USH2A: variants seen among roughly 807,000 people sequenced by gnomAD.
The protein encoded by USH2A is Usher syndrome 2A (autosomal recessive, mild).
In USH2A, 443 loss-of-function variants were observed where a neutral mutation model predicts 538.9. That is an observed-to-expected ratio of 0.82 (90% CI 0.76 to 0.89). The LOEUF is 0.89. Ranked by LOEUF, USH2A falls within the 40% of genes least tolerant of loss-of-function variation. The pLI is 0.00. For synonymous variants in USH2A, 2,413 were observed against 2,273.5 expected (o/e 1.06, Z -1.75); for missense variants, 6,633 against 6,324.8 (o/e 1.05, Z -1.65).
intron 38 of USH2A, among the ~76,000 whole-genome samples, chr1:215,904,412 G>A (rs1384446307): frequency 6.6e-6 from 1 of 152,034 alleles, no homozygotes; most frequent in Non-Finnish European, 1.5e-5. Flanking sequence ...TTTCCAAACA[G>A]AATGGTCATC....
intron 4 of USH2A, among the ~76,000 whole-genome samples, chr1:216,340,158 A>G (rs754304158): frequency 2.0e-5 from 3 of 152,096 alleles, no homozygotes; most frequent in Non-Finnish European, 4.4e-5. Flanking sequence ...GACAAAGGGG[A>G]TAACACCACT....
chr1:215,808,200 T>C (rs12133551), intron 49 of USH2A, among the ~76,000 whole-genome samples: 5,203 of 152,266 alleles, frequency 0.034, 101 homozygotes, highest in African/African-American at 0.05. Flanking sequence ...CTTTTAAAGA[T>C]AGGGATGTTC....
At chr1:216,026,243 T>C (rs1195620078) in intron 32 of USH2A, among the ~76,000 whole-genome samples, 6 of 152,188 alleles carry the variant, frequency 3.9e-5, no homozygotes, top group Non-Finnish European at 7.4e-5. Context: ...TTCTAAAATA[T>C]GCACCAACCT....
At chr1:215,864,366 CTG>C (rs755197205) in intron 44 of USH2A, among the ~76,000 whole-genome samples, 1 of 151,990 alleles carries the variant, frequency 6.6e-6, no homozygotes, top group Non-Finnish European at 1.5e-5. Flanking sequence ...AATACAAAAA[CTG>C]TGATTTTTCA....
At chr1:215,996,560 G>GTTTTTTTTTTTTTTTT (rs753233925) in intron 34 of USH2A, among the ~76,000 whole-genome samples, 4 of 51,718 alleles carry the variant, frequency 7.7e-5, no homozygotes, top group African/African-American at 2.8e-4. Context: ...AACATATTAT[G>GTTTTTTTTTTTTTTTT]TTTTTTTTTT....
At chr1:216,368,956 A>G (rs2038650825) in intron 3 of USH2A, among the ~76,000 whole-genome samples, 1 of 152,206 alleles carries the variant, frequency 6.6e-6, no homozygotes, top group African/African-American at 2.4e-5. Context: ...ATAGATTAAC[A>G]TTAAGCGATT....
intron 37 of USH2A, among the ~76,000 whole-genome samples, chr1:215,945,497 A>C (rs1447849751): frequency 6.6e-6 from 1 of 152,204 alleles, no homozygotes; most frequent in East Asian, 1.9e-4. Flanking sequence ...TGTAGCCACC[A>C]GTTGTATTAA....
intron 32 of USH2A, among the ~76,000 whole-genome samples, chr1:216,030,867 A>T (rs1026150617): frequency 2.4e-4 from 37 of 151,508 alleles, no homozygotes; most frequent in Non-Finnish European, 7.4e-5. Flanking sequence ...AATTTGTAAA[A>T]TTATCAAAGG....
intron 32 of USH2A, among the ~76,000 whole-genome samples, chr1:216,026,569 A>C (rs1668969541): frequency 6.6e-6 from 1 of 152,174 alleles, no homozygotes; most frequent in Non-Finnish European, 1.5e-5. Flanking sequence ...CATTCTGATA[A>C]ATTCTCCACA....
At chr1:216,045,060 G>A (rs1215338461) in intron 32 of USH2A, among the ~76,000 whole-genome samples, 1 of 152,088 alleles carries the variant, frequency 6.6e-6, no homozygotes, top group East Asian at 1.9e-4. Context: ...AGAGAAGAGG[G>A]ACAGTATCTG....
intron 55 of USH2A, among the ~76,000 whole-genome samples, chr1:215,773,498 CTCTCTCTCTCTCTG>C (rs980863668): frequency 2.5e-3 from 371 of 145,826 alleles, no homozygotes; most frequent in African/African-American, 9.3e-3. Context: ...CTCTGTCTCT[CTCTCTCTCTCTCTG>C]TCTCTCTCTC....
At chr1:216,138,722 C>A (rs559648684) in intron 21 of USH2A, among the ~76,000 whole-genome samples, 1 of 152,170 alleles carries the variant, frequency 6.6e-6, no homozygotes, top group South Asian at 2.1e-4. Context: ...TGACTCAGGG[C>A]AGAATACCCT....
intron 4 of USH2A, among the ~76,000 whole-genome samples, chr1:216,347,860 T>A (rs1434242122): frequency 6.6e-6 from 1 of 152,158 alleles, no homozygotes; most frequent in African/African-American, 2.4e-5. Context: ...TGAATGCACG[T>A]TTCTAATAAC....
intron 49 of USH2A, among the ~76,000 whole-genome samples, chr1:215,803,353 G>A (rs975806839): frequency 1.7e-4 from 26 of 152,158 alleles, no homozygotes; most frequent in African/African-American, 6.3e-4. Flanking sequence ...GTCCCTGTTT[G>A]CAGATGACAT....
At chr1:216,278,729 CT>C in intron 11 of USH2A, among the ~76,000 whole-genome samples, 1 of 152,260 alleles carries the variant, frequency 6.6e-6, no homozygotes, top group East Asian at 1.9e-4. Flanking sequence ...TATTTGTACA[CT>C]TTAATATTTG....
rs2035082578 is a variant in USH2A at position 216,205,087 on chromosome 1, A to G, written c.3316+2186T>C. Among the ~76,000 whole-genome samples, 2 of 152,234 alleles carry G rather than the reference A, an allele frequency of 1.3e-5. 1 individual carries two copies. Among genetic ancestry groups the G allele is most frequent in the South Asian group, 4.1e-4 (2 of 4,832 alleles). ...ATAAAATAGATCACAATATGTTACT[A>G]TGGAAATCATGCCTCTGGCTTGAAT... On this transcript the variant is annotated intron_variant, in intron 16 of 71. Coordinates refer to ENST00000307340, the MANE Select transcript of USH2A (RefSeq NM_206933.4).
chr1:216,404,518 G>A (rs2039359292), intron 3 of USH2A, among the ~76,000 whole-genome samples: 1 of 151,608 alleles, frequency 6.6e-6, no homozygotes, highest in South Asian at 2.1e-4. Flanking sequence ...ATTCAGTGAA[G>A]GAAGGATATA....
intron 4 of USH2A, among the ~76,000 whole-genome samples, chr1:216,341,827 C>G (rs2038082186): frequency 6.6e-6 from 1 of 152,132 alleles, no homozygotes; most frequent in South Asian, 2.1e-4. Flanking sequence ...TTTCCTTACA[C>G]CTTACACAAA....
At chr1:216,318,591 A>G (rs2037549058) in intron 9 of USH2A, among the ~76,000 whole-genome samples, 2 of 152,184 alleles carry the variant, frequency 1.3e-5, no homozygotes, top group South Asian at 4.1e-4. Flanking sequence ...CTGCATTTGC[A>G]TTTGCCAAAG....
Sources: allele counts gnomAD v4.1 joint callset (sites outside exome capture counted in the v4.1 genomes callset), GRCh38; gene constraint gnomAD v4.1.1; transcripts MANE v1.5; gene names NCBI Gene and HGNC (gene_info 2026-07-23, HGNC 2026-07-21).